RAB22A: variants seen among roughly 807,000 people sequenced by gnomAD.
RAB22A encodes ras-related protein Rab-22A.
A neutral mutation model predicts 30.2 loss-of-function variants in RAB22A; 13 were observed. The ratio of observed to expected loss-of-function variants is 0.43; its 90% CI spans 0.28 to 0.68. The LOEUF (loss-of-function observed/expected upper bound fraction) is 0.68, where lower values mean the gene tolerates loss of function less well. Ranked by LOEUF, RAB22A falls within the 30% of genes least tolerant of loss-of-function variation. The pLI, the probability that RAB22A is intolerant of heterozygous loss-of-function variation, is 0.18. For synonymous variants in RAB22A, 89 were observed against 87.2 expected (o/e 1.02, Z -0.11); for missense variants, 177 against 246.8 (o/e 0.72, Z 1.89).
At chr20:58,312,244 C>T (rs755293862) in intron 2 of RAB22A, among the ~76,000 whole-genome samples, 31 of 151,590 alleles carry the variant, frequency 2.0e-4, no homozygotes, top group Non-Finnish European at 2.2e-4. Context: ...CATGAGCTGC[C>T]ACACCTCGCC....
In RAB22A at chr20:58,362,082, A is replaced by T. The variant is rs945483601; in HGVS notation, c.*2379A>T. On this transcript the variant is annotated 3_prime_UTR_variant, in exon 7 of 7. Coordinates refer to ENST00000244040, the MANE Select transcript of RAB22A (RefSeq NM_020673.3). The stretch of plus-strand genomic sequence containing the variant: ...AATGAGTGATATGAAGCTTGTACTT[A>T]TGCATTTCTCGGGCCTCTTCCCTCA... The T allele has an allele frequency of 2.0e-5, 3 of 152,098 alleles. No individual in the cohort carries two copies. Among genetic ancestry groups the T allele is most frequent in the African/African-American group, 7.2e-5 (3 of 41,410 alleles). The allele number at this position is 152,098 out of a possible 1,614,324, so 9.4% of individuals were successfully genotyped here.
At position 58,354,186 on chromosome 20, in the gene RAB22A, C is replaced by T. The variant is rs1232437846; in HGVS notation, c.408C>T (p.Tyr136=). 2 of 1,613,718 alleles carry T rather than the reference C, an allele frequency of 1.2e-6. No homozygotes were observed. Among genetic ancestry groups the T allele is most frequent in the Non-Finnish European group, 8.5e-7 (1 of 1,179,722 alleles). The change falls in exon 6 of 7, where the codon TAC becomes TAT. Residue 136 remains tyrosine, a synonymous_variant. Coordinates refer to ENST00000244040, the MANE Select transcript of RAB22A (RefSeq NM_020673.3). The stretch of plus-strand genomic sequence containing the variant: ...TCATGGAGAGAGATGCAAAGGACTA[C>T]GCCGACTCTATTCATGCAATTTTTG... ...REVMERDAKD[Y]ADSIHAIFVE... is the part of the protein sequence containing the mutation.
intron 2 of RAB22A, among the ~76,000 whole-genome samples, chr20:58,313,047 T>G (rs1451756161): frequency 6.6e-6 from 1 of 152,136 alleles, no homozygotes; most frequent in Non-Finnish European, 1.5e-5. Flanking sequence ...GAGTCAGAGC[T>G]GAAAACCTAA....
Position 58,321,903 on chromosome 20 carries a change from T to G in RAB22A, c.116+10781T>G, listed in dbSNP as rs143692163. Among the ~76,000 whole-genome samples the G allele has an allele frequency of 2.2e-4, 33 of 152,260 alleles. No homozygotes were observed. In the East Asian group the frequency reaches 5.8e-3, roughly 27 times the overall value. ...GCAGCCTCAACTTCCCAGACTCAAGTGATCCTCCTACCTCAGCCTCCTGAA... is the reference window on the plus strand; with the variant it reads ...GCAGCCTCAACTTCCCAGACTCAAGGGATCCTCCTACCTCAGCCTCCTGAA... On this transcript the variant is annotated intron_variant, in intron 2 of 6. Coordinates refer to ENST00000244040, the MANE Select transcript of RAB22A (RefSeq NM_020673.3).
rs1432015523 is a variant in RAB22A at position 58,353,261 on chromosome 20, C to T, written c.199-12C>T. ...TTTCCCAATTTTGTTTATTTTTCCC[C>T]CTCCTCTGCAGTTTCGTGCCTTAGC... On this transcript the variant is annotated splice_polypyrimidine_tract_variant and intron_variant, in intron 3 of 6. Transcript: ENST00000244040. 3 of 1,610,742 alleles carry T rather than the reference C, an allele frequency of 1.9e-6. No individual in the cohort carries two copies. Among genetic ancestry groups the T allele is most frequent in the African/African-American group, 1.3e-5 (1 of 74,690 alleles).
At chr20:58,314,669 C>T (rs961996594) in intron 2 of RAB22A, among the ~76,000 whole-genome samples, 4 of 151,898 alleles carry the variant, frequency 2.6e-5, no homozygotes, top group Non-Finnish European at 2.9e-5. Flanking sequence ...GGTGAAACCC[C>T]GTCTCTACTA....
chr20:58,313,197 G>A (rs555975979), intron 2 of RAB22A, among the ~76,000 whole-genome samples: 2 of 152,272 alleles, frequency 1.3e-5, no homozygotes, highest in Admixed American at 6.5e-5. Context: ...TTTGCCAGTA[G>A]CTCCCAATCT....
chr20:58,340,212 A>G (rs919530785), intron 2 of RAB22A, among the ~76,000 whole-genome samples: 10 of 152,212 alleles, frequency 6.6e-5, no homozygotes, highest in African/African-American at 2.4e-4. Context: ...ATGACTTCTT[A>G]GCAGAATTCC....
chr20:58,339,915 T>C (rs1986825995), intron 2 of RAB22A, among the ~76,000 whole-genome samples: 1 of 152,146 alleles, frequency 6.6e-6, no homozygotes, highest in African/African-American at 2.4e-5. Flanking sequence ...TGCCTGGGGC[T>C]AGCCCAGAGC....
At chr20:58,310,152 T>C (rs1600719747) in intron 1 of RAB22A, 140 bp downstream of exon 1, 1 of 849,298 alleles carries the variant, frequency 1.2e-6, no homozygotes, top group East Asian at 3.4e-5. Flanking sequence ...TCCCTCCAGC[T>C]CGGGAGCCGT....
intron 2 of RAB22A, among the ~76,000 whole-genome samples, chr20:58,313,832 A>G (rs755425215): frequency 3.3e-5 from 5 of 152,104 alleles, no homozygotes; most frequent in Non-Finnish European, 7.4e-5. Flanking sequence ...GTCACACCCA[A>G]TTATTTACTT....
intron 2 of RAB22A, among the ~76,000 whole-genome samples, chr20:58,320,351 C>T (rs1986428457): frequency 6.6e-6 from 1 of 152,002 alleles, no homozygotes; most frequent in Admixed American, 6.6e-5. Context: ...ATTTGTTCAT[C>T]GTATCTCTGT....
intron 2 of RAB22A, among the ~76,000 whole-genome samples, chr20:58,333,804 C>T (rs1986699939): frequency 2.0e-5 from 3 of 152,156 alleles, no homozygotes; most frequent in Admixed American, 6.5e-5. Flanking sequence ...CTTATAATCC[C>T]AGTGCTTTGG....
rs1013331184 is a variant in RAB22A, at chr20:58,361,045, C to G, written c.*1342C>G. ...TTCTGTTTCCTTTATTTTTCCCCTG[C>G]CTCTGTTAGTGGTTAACACTCTTTT... On this transcript the variant is annotated 3_prime_UTR_variant, in exon 7 of 7. Transcript: ENST00000244040. 2.6e-5 allele frequency: 4 copies of G among 152,556 alleles called. No homozygotes were observed. The highest frequency in any genetic ancestry group is 2.0e-4 in the Admixed American group (3 of 15,270). 9.5% of individuals were successfully genotyped at this position (152,556 alleles called of 1,614,324 possible). A position where few individuals can be genotyped will look rare whatever the true frequency, so the allele number is the denominator to read the frequency against.
rs886125620 is a variant in RAB22A, at chr20:58,362,821, T to C, written c.*3118T>C. 3.9e-5 allele frequency: 6 copies of C among 152,236 alleles called. No homozygotes were observed. Among genetic ancestry groups the C allele is most frequent in the Admixed American group, 6.5e-5 (1 of 15,288 alleles). The allele number at this position is 152,236 out of a possible 1,614,324, so 9.4% of individuals were successfully genotyped here. On this transcript the variant is annotated 3_prime_UTR_variant, in exon 7 of 7. Transcript: ENST00000244040. ...TGTTGTTTGAAGTCCCTGTTTCCCA[T>C]TGTGTACGCACTTTCTGGATGTCTG...
rs1356273463 is a variant in RAB22A at position 58,320,683 on chromosome 20, G to A, written c.116+9561G>A. Among the ~76,000 whole-genome samples the A allele has an allele frequency of 1.3e-5, 2 of 152,044 alleles. 1 individual carries two copies. The highest frequency in any genetic ancestry group is 3.8e-4 in the East Asian group (2 of 5,198). On this transcript the variant is annotated intron_variant, in intron 2 of 6. Transcript: ENST00000244040. ...TCTCTTGTGACTTCTTTGAGCATTG[G>A]TGTCTTAGAAATATATTTTCTAATT...
In RAB22A at chr20:58,330,555, A is replaced by G. The variant is rs560177309; in HGVS notation, c.117-13163A>G. Reference sequence around the variant, plus strand: ...CGCTGCAAAGATTTTAGATTTTCGTATCTTCCACTGAAGAGTGCTGTTTTG... The same window carrying G: ...CGCTGCAAAGATTTTAGATTTTCGTGTCTTCCACTGAAGAGTGCTGTTTTG... On this transcript the variant is annotated intron_variant, in intron 2 of 6. Coordinates refer to ENST00000244040, the MANE Select transcript of RAB22A (RefSeq NM_020673.3). 4.6e-5 allele frequency among the ~76,000 whole-genome samples: 7 copies of G among 152,156 alleles called. No homozygotes were observed. In the South Asian group the frequency reaches 1.0e-3, roughly 23 times the overall value.
intron 2 of RAB22A, among the ~76,000 whole-genome samples, chr20:58,337,704 T>C (rs986178378): frequency 1.3e-5 from 2 of 152,192 alleles, no homozygotes; most frequent in African/African-American, 4.8e-5. Flanking sequence ...GATTGCCCAG[T>C]ACAAATAGCA....
At chr20:58,353,071 A>G (rs1031100013) in intron 3 of RAB22A, among the ~76,000 whole-genome samples, 2 of 152,238 alleles carry the variant, frequency 1.3e-5, no homozygotes, top group South Asian at 2.1e-4. Context: ...ATTCTGAACT[A>G]TCTTCTGAGA....
Sources: allele counts gnomAD v4.1 joint callset (sites outside exome capture counted in the v4.1 genomes callset), GRCh38; gene constraint gnomAD v4.1.1; transcripts MANE v1.5; gene names NCBI Gene and HGNC (gene_info 2026-07-23, HGNC 2026-07-21).